The following GNA12 variants were observed in gnomAD, a reference collection of about 807,000 sequenced individuals.
GNA12 encodes guanine nucleotide-binding protein subunit alpha-12.
GNA12 carries 9 observed loss-of-function variants against 26.0 expected under a neutral mutation model. The observed-to-expected ratio is 0.35, with a 90% CI of 0.21 to 0.60. The LOEUF is 0.60. Ranked by LOEUF, GNA12 falls within the 20% of genes least tolerant of loss-of-function variation. The probability of loss-of-function intolerance (pLI) is 0.78; values close to 1 mark genes in which losing one functional copy is unlikely to be tolerated. For missense variants in GNA12, 405 were observed against 525.8 expected (o/e 0.77, Z 2.25); for synonymous variants, 264 against 219.6 (o/e 1.20, Z -1.79).
In GNA12 at chr7:2,735,357, G is replaced by C. The variant is rs185807069; in HGVS notation, c.526-1856C>G. Among the ~76,000 whole-genome samples the C allele has an allele frequency of 4.4e-3, 668 of 152,364 alleles. 5 individuals are homozygous for C. The highest frequency in any genetic ancestry group is 0.015 in the African/African-American group (637 of 41,592). On this transcript the variant is annotated intron_variant, in intron 2 of 3. Transcript: ENST00000275364. ...ACCAGGCACGAAGGAAGCAGAGGCA[G>C]TTCTCCTGCAGGGTTCTAGCTGGGT...
At chr7:2,765,970 A>G (rs1158486881) in intron 2 of GNA12, among the ~76,000 whole-genome samples, 1 of 151,404 alleles carries the variant, frequency 6.6e-6, no homozygotes, top group African/African-American at 2.4e-5. Context: ...AAAGTGTAGT[A>G]AAAAACATAT....
chr7:2,770,870 G>A (rs899849985), intron 2 of GNA12, among the ~76,000 whole-genome samples: 10 of 152,180 alleles, frequency 6.6e-5, no homozygotes, highest in African/African-American at 1.7e-4. Flanking sequence ...CAAGGCCATC[G>A]TGCAAGATTA....
rs1792740031 is a variant in GNA12, at chr7:2,798,842, CCT to C, written c.310-3701_310-3700del. 2.0e-5 allele frequency among the ~76,000 whole-genome samples: 3 copies of C among 152,008 alleles called. No homozygotes were observed. The South Asian group carries it at 6.2e-4, about 32-fold the overall frequency. ...CATAACAGAGAACCCAGGGATAGCC[CCT>C]GATACAGCTAGGTAATTTTTGTAAA... On this transcript the variant is annotated intron_variant, in intron 1 of 3. Transcript: ENST00000275364.
chr7:2,829,332 G>A (rs1793550883), intron 1 of GNA12, among the ~76,000 whole-genome samples: 1 of 152,182 alleles, frequency 6.6e-6, no homozygotes, highest in Non-Finnish European at 1.5e-5. Flanking sequence ...TAAACACTGA[G>A]GTTTAGGTTC....
At chr7:2,757,236 C>T (rs1252602578) in intron 2 of GNA12, among the ~76,000 whole-genome samples, 2 of 144,962 alleles carry the variant, frequency 1.4e-5, no homozygotes, top group Admixed American at 7.1e-5. Context: ...CCCGGGTTCA[C>T]GCCATTCTCC....
In GNA12 at chr7:2,731,391, C is replaced by G; in HGVS notation, c.936G>C (p.Lys312Asn). 1 of 1,613,280 alleles carries G rather than the reference C, an allele frequency of 6.2e-7. No individual in the cohort carries two copies. The highest frequency in any genetic ancestry group is 1.3e-5 in the African/African-American group (1 of 74,982). Reference protein sequence around the residue: ...VEKVKTVSIKKHFPDFRGDPH... With the variant: ...VEKVKTVSIKNHFPDFRGDPH... ...GGTCGCCCCTGAAGTCCGGGAAGTG[C>G]TTCTTGATGCTCACGGTCTTCACCT... Residue 312 changes from lysine to asparagine, a missense_variant, in exon 4 of 4, where the codon AAG becomes AAC. Transcript: ENST00000275364. This position sits in a 1 kb window ranked among gnomAD's most constrained non-coding sequence, Gnocchi z 6.0.
intron 2 of GNA12, among the ~76,000 whole-genome samples, chr7:2,742,126 A>T (rs1583220546): frequency 6.6e-6 from 1 of 151,738 alleles, no homozygotes; most frequent in Non-Finnish European, 1.5e-5. Flanking sequence ...GGTTCAAGAG[A>T]TTCTCCTGCC....
At chr7:2,828,345 C>G (rs935257251) in intron 1 of GNA12, among the ~76,000 whole-genome samples, 1 of 152,156 alleles carries the variant, frequency 6.6e-6, no homozygotes, top group Non-Finnish European at 1.5e-5. Flanking sequence ...TTGCTGTAGA[C>G]AATAGTTATT....
intron 2 of GNA12, among the ~76,000 whole-genome samples, chr7:2,786,156 C>G (rs749751436): frequency 2.0e-5 from 3 of 152,168 alleles, no homozygotes; most frequent in Admixed American, 6.5e-5. Context: ...ACATGTAATA[C>G]AGTGACACAG....
intron 1 of GNA12, among the ~76,000 whole-genome samples, chr7:2,825,948 T>C (rs934033924): frequency 1.3e-5 from 2 of 152,112 alleles, no homozygotes; most frequent in Non-Finnish European, 2.9e-5. Flanking sequence ...TGAGATGCCA[T>C]TCCTCACCTC....
At chr7:2,740,516 G>A (rs940094323) in intron 2 of GNA12, among the ~76,000 whole-genome samples, 2 of 152,174 alleles carry the variant, frequency 1.3e-5, no homozygotes, top group Non-Finnish European at 2.9e-5. Flanking sequence ...CTCCAGAGCT[G>A]TGAGAAAATT....
chr7:2,833,413 C>T (rs1434205715), intron 1 of GNA12, among the ~76,000 whole-genome samples: 2 of 152,190 alleles, frequency 1.3e-5, no homozygotes, highest in Non-Finnish European at 2.9e-5. Context: ...GAGCTGTCAA[C>T]GGAACACTAT....
intron 1 of GNA12, among the ~76,000 whole-genome samples, chr7:2,810,263 G>A (rs1344999563): frequency 6.6e-6 from 1 of 152,138 alleles, no homozygotes; most frequent in African/African-American, 2.4e-5. Context: ...ATTTCTCACT[G>A]TGTCCTCAGA....
chr7:2,836,831 G>A (rs1449083443), intron 1 of GNA12, among the ~76,000 whole-genome samples: 8 of 152,176 alleles, frequency 5.3e-5, no homozygotes, highest in Non-Finnish European at 1.0e-4. Context: ...GGCTGAGGCA[G>A]GAGAATCGCT....
chr7:2,797,969 C>T (rs1792719064), intron 1 of GNA12, among the ~76,000 whole-genome samples: 1 of 152,118 alleles, frequency 6.6e-6, no homozygotes, highest in Non-Finnish European at 1.5e-5. Context: ...AAAACCTTTG[C>T]AAACTAGGAA....
At chr7:2,753,042 T>G (rs1791112871) in intron 2 of GNA12, among the ~76,000 whole-genome samples, 1 of 152,216 alleles carries the variant, frequency 6.6e-6, no homozygotes, top group South Asian at 2.1e-4. Flanking sequence ...AATCCCTTGG[T>G]AACCACGAAT....
rs955987717 is a variant in GNA12 at position 2,837,005 on chromosome 7, G to C, written c.309+6848C>G. On this transcript the variant is annotated intron_variant, in intron 1 of 3. Transcript: ENST00000275364. ...CACCCACTGAGGTTTCAGTGGAATTGAGGGGGAAATTGATCTTCTACCCTC... is the reference window on the plus strand; with the variant it reads ...CACCCACTGAGGTTTCAGTGGAATTCAGGGGGAAATTGATCTTCTACCCTC... Among the ~76,000 whole-genome samples the C allele has an allele frequency of 5.3e-5, 8 of 152,318 alleles. No homozygotes were observed. In the South Asian group the frequency reaches 1.2e-3, roughly 24 times the overall value.
intron 2 of GNA12, among the ~76,000 whole-genome samples, chr7:2,744,081 C>G (rs891021511): frequency 4.6e-5 from 7 of 152,232 alleles, no homozygotes; most frequent in African/African-American, 2.4e-5. Context: ...TCTGTAGGTT[C>G]CCCCTCTGGG....
chr7:2,746,337 T>G (rs1375157088), intron 2 of GNA12, among the ~76,000 whole-genome samples: 1 of 152,186 alleles, frequency 6.6e-6, no homozygotes, highest in Admixed American at 6.5e-5. Context: ...CAGACCACAG[T>G]GCAATCAAAC....
Sources: allele counts gnomAD v4.1 joint callset (sites outside exome capture counted in the v4.1 genomes callset), GRCh38; gene constraint gnomAD v4.1.1; non-coding constraint Gnocchi (gnomAD v3.1); transcripts MANE v1.5; gene names NCBI Gene and HGNC (gene_info 2026-07-23, HGNC 2026-07-21).